Variants in SLC36A4 observed in about 807,000 individuals in gnomAD.
The protein encoded by SLC36A4 is neutral amino acid uniporter 4.
In SLC36A4, 49 loss-of-function variants were observed where a neutral mutation model predicts 50.5. The ratio of observed to expected loss-of-function variants is 0.97; its 90% CI spans 0.77 to 1.23. SLC36A4 has a LOEUF of 1.23. Ranked by LOEUF, SLC36A4 falls within the 50% of genes most tolerant of loss-of-function variation. The pLI is 0.00. For missense variants in SLC36A4, 611 were observed against 608.4 expected, an observed-to-expected ratio of 1.00 and a Z score of -0.05; for synonymous variants, 207 against 206.5, an observed-to-expected ratio of 1.00 and a Z score of -0.02.
intron 3 of SLC36A4, among the ~76,000 whole-genome samples, chr11:93,183,373 A>G (rs77084489): frequency 0.015 from 2,267 of 152,302 alleles, 32 homozygotes; most frequent in South Asian, 0.088. Flanking sequence ...AGTAGTAAAT[A>G]AAATACTTTA....
chr11:93,184,793 T>C (rs1042509546), intron 2 of SLC36A4, among the ~76,000 whole-genome samples: 1 of 152,174 alleles, frequency 6.6e-6, no homozygotes, highest in Non-Finnish European at 1.5e-5. Flanking sequence ...TAAAAAAGAC[T>C]AAAGGCATTC....
At chr11:93,184,303 A>G in intron 3 of SLC36A4, 127 bp downstream of exon 3, 1 of 688,478 alleles carries the variant, frequency 1.5e-6, no homozygotes, top group South Asian at 1.7e-5. Flanking sequence ...AATTTTATCA[A>G]GACAACATCT....
At chr11:93,159,668 TA>T in intron 9 of SLC36A4, 1 of 320,956 alleles carries the variant, frequency 3.1e-6, no homozygotes, top group Non-Finnish European at 4.5e-6. Context: ...CTTGAACTAG[TA>T]AAACCTTTAA....
At chr11:93,175,996 G>A (rs1404883749) in intron 6 of SLC36A4, among the ~76,000 whole-genome samples, 8 of 129,704 alleles carry the variant, frequency 6.2e-5, no homozygotes, top group Non-Finnish European at 9.6e-5. Context: ...CAATTCCTGG[G>A]TATCCTTGTT....
chr11:93,166,846 T>C (rs1860890978), intron 7 of SLC36A4: 1 of 152,156 alleles, frequency 6.6e-6, no homozygotes, highest in South Asian at 2.1e-4. Context: ...GAAGCATAGA[T>C]AGAACTGTGT....
chr11:93,161,028 T>C (rs932244882), intron 9 of SLC36A4, among the ~76,000 whole-genome samples: 1 of 151,990 alleles, frequency 6.6e-6, no homozygotes, highest in South Asian at 2.1e-4. Flanking sequence ...TGTGTAGATT[T>C]GGAGTTTCAC....
chr11:93,174,164 TC>T (rs1273574659), intron 6 of SLC36A4, among the ~76,000 whole-genome samples: 4 of 149,724 alleles, frequency 2.7e-5, no homozygotes, highest in African/African-American at 9.8e-5. Context: ...GTCCTTCACA[TC>T]CCTTGTAAGT....
Position 93,182,826 on chromosome 11 carries a change from G to A in SLC36A4, c.339C>T (p.Cys113=), listed in dbSNP as rs892270443. 10 of 1,611,094 alleles carry A rather than the reference G, an allele frequency of 6.2e-6. No homozygotes were observed. Among genetic ancestry groups the A allele is most frequent in the Non-Finnish European group, 8.5e-6 (10 of 1,178,432 alleles). ...TTTACCTCAGACATAGAAAGTGACT[G>A]CAACGTACCAATATGTGCATACAGT... The part of the protein sequence containing the change: ...SVHCMHILVR[C]SHFLCLRFKK... Residue 113 remains cysteine (C), a synonymous_variant, in exon 4 of 11, where the codon TGC becomes TGT. Coordinates refer to ENST00000326402, the MANE Select transcript of SLC36A4 (RefSeq NM_152313.4).
At chr11:93,188,897 G>A (rs1456943486) in intron 1 of SLC36A4, among the ~76,000 whole-genome samples, 1 of 152,102 alleles carries the variant, frequency 6.6e-6, no homozygotes, top group African/African-American at 2.4e-5. Context: ...TAAAGGCTGG[G>A]AGGGAAAGCT....
chr11:93,148,489 A>G lies in SLC36A4; in HGVS notation c.*48T>C. Reference sequence around the variant, plus strand: ...AATGTATTTTACTAGTTATCTTGATAATTTTCAGAAATGGGACAAAAATAG... The same window carrying G: ...AATGTATTTTACTAGTTATCTTGATGATTTTCAGAAATGGGACAAAAATAG... On this transcript the variant is annotated 3_prime_UTR_variant, in exon 11 of 11. Transcript: ENST00000326402. 6.6e-7 allele frequency: 1 copy of G among 1,511,706 alleles called. No homozygotes were observed. Among genetic ancestry groups the G allele is most frequent in the Non-Finnish European group, 9.0e-7 (1 of 1,110,614 alleles). 93.6% of individuals were successfully genotyped at this position (1,511,706 alleles called of 1,614,324 possible).
In SLC36A4 at chr11:93,180,833, A is replaced by G. The variant is rs1458977454; in HGVS notation, c.504T>C (p.Ser168=). 6.2e-7 allele frequency: 1 copy of G among 1,612,950 alleles called. No homozygotes were observed. ...FLVITQLGFC[S]VYIVFLAENV... The stretch of plus-strand genomic sequence containing the variant: ...TTTCAGCTAAGAAGACAATATAAAC[A>G]CTACAGAATCCCAGCTGTGTTATCA... The change falls in exon 6 of 11, where the codon AGT becomes AGC. Residue 168 remains serine (S), a synonymous_variant. Coordinates refer to ENST00000326402, the MANE Select transcript of SLC36A4 (RefSeq NM_152313.4).
At chr11:93,150,233 C>A (rs1467402183) in intron 10 of SLC36A4, among the ~76,000 whole-genome samples, 1 of 152,018 alleles carries the variant, frequency 6.6e-6, no homozygotes. Flanking sequence ...CCATCGATGA[C>A]GATTATATCA....
rs750626392 is a variant in SLC36A4 at position 93,180,862 on chromosome 11, G to GA, written c.474dup (p.Leu159SerfsTer10). ...CAGAATCCCAGCTGTGTTATCACCA[G>GA]AAAAAAGTCAACCACACTCCTGAAA... On this transcript the variant is annotated frameshift_variant, in exon 6 of 11. Coordinates refer to ENST00000326402, the MANE Select transcript of SLC36A4 (RefSeq NM_152313.4). LOFTEE classifies it high-confidence loss of function. 74 of 1,612,326 alleles carry GA rather than the reference G, an allele frequency of 4.6e-5. 1 individual carries two copies. The highest frequency in any genetic ancestry group is 1.5e-4 in the South Asian group (14 of 90,962).
chr11:93,180,473 A>G (rs1278864374), intron 6 of SLC36A4: 2 of 295,190 alleles, frequency 6.8e-6, no homozygotes, highest in African/African-American at 4.5e-5. Flanking sequence ...TCTTTAAACA[A>G]TGTCAATGTA....
intron 6 of SLC36A4, among the ~76,000 whole-genome samples, chr11:93,176,857 A>C (rs1199047846): frequency 6.6e-6 from 1 of 152,082 alleles, no homozygotes; most frequent in African/African-American, 2.4e-5. Context: ...AGGTAACCTG[A>C]CCTTTCTCTC....
intron 6 of SLC36A4, among the ~76,000 whole-genome samples, chr11:93,169,606 G>T (rs1026830923): frequency 1.3e-5 from 2 of 152,110 alleles, no homozygotes; most frequent in African/African-American, 4.8e-5. Flanking sequence ...TTAGACTGCA[G>T]AGAATATATC....
intron 9 of SLC36A4, among the ~76,000 whole-genome samples, chr11:93,156,823 G>C (rs1860387331): frequency 6.6e-6 from 1 of 152,134 alleles, no homozygotes; most frequent in Non-Finnish European, 1.5e-5. Context: ...TCTGTTGATA[G>C]TTTTCTGTGC....
chr11:93,186,803 G>T (rs1348231298), intron 1 of SLC36A4, among the ~76,000 whole-genome samples: 1 of 152,178 alleles, frequency 6.6e-6, no homozygotes, highest in African/African-American at 2.4e-5. Context: ...TTGGCTGGAA[G>T]AAGTACATCT....
At chr11:93,166,237 T>G (rs1860857423) in intron 7 of SLC36A4, 1 of 1,262,008 alleles carries the variant, frequency 7.9e-7, no homozygotes, top group South Asian at 2.2e-5. Context: ...GCCCATACAT[T>G]CCATCTGAGC....
Sources: gnomAD v4.1 joint callset for allele counts (sites outside exome capture counted in the v4.1 genomes callset) on GRCh38, gnomAD v4.1.1 for gene constraint, MANE v1.5 for transcripts, NCBI Gene and HGNC (gene_info 2026-07-23, HGNC 2026-07-21) for gene names.